Variants in AKAP19 observed in about 807,000 individuals in gnomAD.
The protein encoded by AKAP19 is small A-kinase anchoring protein.
the AKAP19 span, among the ~76,000 whole-genome samples, chr2:190,031,827 A>G: frequency 6.6e-6 from 1 of 152,218 alleles, no homozygotes. Flanking sequence ...TGCTTAGTAA[A>G]TTGGACAAAT....
chr2:189,972,426 G>A, the AKAP19 span, among the ~76,000 whole-genome samples: 1 of 152,168 alleles, frequency 6.6e-6, no homozygotes, highest in South Asian at 2.1e-4. Flanking sequence ...GATGCATCCA[G>A]CTCTGTTCTT....
At chr2:189,924,536 T>C in the AKAP19 span, among the ~76,000 whole-genome samples, 1 of 152,202 alleles carries the variant, frequency 6.6e-6, no homozygotes, top group Non-Finnish European at 1.5e-5. Flanking sequence ...TCTCTTGTTA[T>C]GCAGGGAGTA....
chr2:190,004,250 G>A, the AKAP19 span, among the ~76,000 whole-genome samples: 1 of 151,706 alleles, frequency 6.6e-6, no homozygotes, highest in Non-Finnish European at 1.5e-5. Flanking sequence ...TTGTGCACAT[G>A]TACCCTAAAA....
the AKAP19 span, among the ~76,000 whole-genome samples, chr2:190,055,272 T>G: frequency 7.6e-6 from 1 of 130,980 alleles, no homozygotes; most frequent in Non-Finnish European, 1.5e-5. Flanking sequence ...AGGTGGGAAT[T>G]GAACAATGAG....
At chr2:190,062,645 T>A in the AKAP19 span, 4 of 1,583,970 alleles carry the variant, frequency 2.5e-6, no homozygotes, top group African/African-American at 1.4e-5. Flanking sequence ...TTCTTCCTTT[T>A]ACTTTTCTTT....
chr2:189,979,085 A>G, the AKAP19 span, among the ~76,000 whole-genome samples: 1 of 152,164 alleles, frequency 6.6e-6, no homozygotes, highest in Non-Finnish European at 1.5e-5. Flanking sequence ...AAAAAATTCT[A>G]AAACCCATGT....
chr2:190,127,949 T>C, the AKAP19 span, among the ~76,000 whole-genome samples: 1 of 151,340 alleles, frequency 6.6e-6, no homozygotes. Flanking sequence ...TTCACAGATA[T>C]AAAATTTAAA....
At chr2:190,109,429 C>G in the AKAP19 span, among the ~76,000 whole-genome samples, 2 of 152,118 alleles carry the variant, frequency 1.3e-5, no homozygotes, top group Non-Finnish European at 2.9e-5. Context: ...ATGTTGCCCC[C>G]TCCGCTGACA....
the AKAP19 span, chr2:190,056,028 ATTCACT>A: frequency 6.6e-6 from 1 of 152,654 alleles, no homozygotes; most frequent in Non-Finnish European, 1.5e-5. Context: ...GAAATTTCAA[ATTCACT>A]TTATACAGCC....
At chr2:190,106,726 A>C in the AKAP19 span, among the ~76,000 whole-genome samples, 2 of 152,194 alleles carry the variant, frequency 1.3e-5, no homozygotes, top group African/African-American at 2.4e-5. Context: ...AATTCAACAG[A>C]TTCAACAATA....
chr2:190,020,746 C>T, the AKAP19 span, among the ~76,000 whole-genome samples: 1 of 152,146 alleles, frequency 6.6e-6, no homozygotes, highest in Non-Finnish European at 1.5e-5. Context: ...AACACTAACT[C>T]CCTATTCCCC....
the AKAP19 span, among the ~76,000 whole-genome samples, chr2:189,883,662 T>G: frequency 6.6e-6 from 1 of 152,110 alleles, no homozygotes; most frequent in African/African-American, 2.4e-5. Context: ...CTTCTTCCAC[T>G]CTACTTTAGT....
the AKAP19 span, among the ~76,000 whole-genome samples, chr2:190,148,952 T>G: frequency 3.1e-4 from 5 of 15,890 alleles, no homozygotes; most frequent in South Asian, 0.056. Flanking sequence ...TTCTTTTCTT[T>G]CTTTTTTTTT....
the AKAP19 span, among the ~76,000 whole-genome samples, chr2:190,090,509 G>A: frequency 6.6e-6 from 1 of 152,218 alleles, no homozygotes; most frequent in Non-Finnish European, 1.5e-5. Flanking sequence ...CAAGTGGATT[G>A]AGTCTCCTCT....
the AKAP19 span, among the ~76,000 whole-genome samples, chr2:190,160,397 A>C: frequency 6.6e-6 from 1 of 152,080 alleles, no homozygotes; most frequent in Non-Finnish European, 1.5e-5. Flanking sequence ...CGTGATCCCT[A>C]CTTCAAAATG....
the AKAP19 span, among the ~76,000 whole-genome samples, chr2:189,898,085 T>G: frequency 6.6e-6 from 1 of 151,984 alleles, no homozygotes; most frequent in African/African-American, 2.4e-5. Context: ...AGCACACATG[T>G]ACTCAGAAGG....
chr2:190,042,742 C>T, the AKAP19 span, among the ~76,000 whole-genome samples: 10 of 152,162 alleles, frequency 6.6e-5, no homozygotes, highest in African/African-American at 1.7e-4. Context: ...CTGTCCTAGA[C>T]GAGTCATTTG....
At chr2:190,124,441 G>A in the AKAP19 span, among the ~76,000 whole-genome samples, 1 of 152,158 alleles carries the variant, frequency 6.6e-6, no homozygotes, top group African/African-American at 2.4e-5. Flanking sequence ...GTAAATATGT[G>A]TATATCTAAA....
At chr2:189,979,203 A>C in the AKAP19 span, among the ~76,000 whole-genome samples, 1 of 152,206 alleles carries the variant, frequency 6.6e-6, no homozygotes, top group Non-Finnish European at 1.5e-5. Context: ...TATAGTAACC[A>C]AAACAACATG....
Sources: allele counts gnomAD v4.1 joint callset (sites outside exome capture counted in the v4.1 genomes callset), GRCh38; gene constraint gnomAD v4.1.1; transcripts MANE v1.5; gene names NCBI Gene and HGNC (gene_info 2026-07-23, HGNC 2026-07-21).